Variants in TARM1 observed in about 807,000 individuals in gnomAD.
TARM1 encodes T cell-interacting, activating receptor on myeloid cells 1, also known as T-cell-interacting, activating receptor on myeloid cells protein 1.
Under a neutral mutation model 30.4 loss-of-function variants are expected in TARM1, and 24 were observed. The ratio of observed to expected loss-of-function variants is 0.79; its 90% CI spans 0.57 to 1.11. The LOEUF is 1.11. Among genes scored for constraint, TARM1 ranks in the 50% least tolerant of loss-of-function variants. TARM1 has a pLI of 0.00. For missense variants in TARM1, 323 were observed against 332.8 expected (o/e 0.97, Z 0.23); for synonymous variants, 129 against 138.9 (o/e 0.93, Z 0.50).
intron 1 of TARM1, among the ~76,000 whole-genome samples, chr19:54,080,984 A>T (rs1374585650): frequency 6.6e-6 from 1 of 152,116 alleles, no homozygotes; most frequent in East Asian, 1.9e-4. Flanking sequence ...AAAAAATAAA[A>T]TAAAATAAAA....
chr19:54,073,134 C>G (rs1254465788), intron 4 of TARM1, among the ~76,000 whole-genome samples: 1 of 151,596 alleles, frequency 6.6e-6, no homozygotes, highest in Non-Finnish European at 1.5e-5. Context: ...GAGGGCCGGG[C>G]ACGGTGGCTC....
rs76842162 is a variant in TARM1 at position 54,071,391 on chromosome 19, C to T, written c.659-1231G>A. 3.9e-3 allele frequency among the ~76,000 whole-genome samples: 593 copies of T among 152,254 alleles called. 5 individuals are homozygous for T. Among genetic ancestry groups the T allele is most frequent in the African/African-American group, 0.014 (572 of 41,544 alleles). ...CCACCTTCCCACATTGCCTTTTCTC[C>T]TCCCGCATCCTTATGTTAAGGAATA... On this transcript the variant is annotated intron_variant, in intron 4 of 4. Transcript: ENST00000432826.
chr19:54,075,779 G>A (rs781626749), intron 2 of TARM1, 104 bp downstream of exon 2: 16 of 1,337,404 alleles, frequency 1.2e-5, no homozygotes, highest in East Asian at 5.0e-5. Context: ...GCGAAAGAGT[G>A]AGACTCCGTC....
chr19:54,074,249 G>A (rs771627670), intron 3 of TARM1, 33 bp from the exon 4 acceptor site: 3 of 1,534,348 alleles, frequency 2.0e-6, no homozygotes, highest in Non-Finnish European at 2.6e-6. Context: ...AGGTCCTGGG[G>A]AGAAGTCTGG....
At chr19:54,076,189 T>C in intron 1 of TARM1, 1 of 1,507,716 alleles carries the variant, frequency 6.6e-7, no homozygotes, top group Middle Eastern at 1.7e-4. Context: ...CATTCTCATC[T>C]TCTGTTTGAA....
At chr19:54,080,496 G>GGAAGGAAGGA (rs1410718770) in intron 1 of TARM1, among the ~76,000 whole-genome samples, 7 of 107,416 alleles carry the variant, frequency 6.5e-5, no homozygotes, top group Admixed American at 1.1e-4. Context: ...GGAAGGAAGG[G>GGAAGGAAGGA]AGGAAGGAAG....
chr19:54,079,092 TA>T (rs1162488725), intron 1 of TARM1, among the ~76,000 whole-genome samples: 90,911 of 102,386 alleles, frequency 0.89, 40,368 homozygotes, highest in Middle Eastern at 0.97. Flanking sequence ...TTGTCTCTAC[TA>T]AAAAAAAAAA....
In TARM1 at chr19:54,076,326, T is replaced by TTTTCTTTC. The variant is rs759392068; in HGVS notation, c.35-416_35-409dup. On this transcript the variant is annotated intron_variant, in intron 1 of 4. Transcript: ENST00000432826. ...AGACAGAGTCTCGCTCTTTCTTTCT[T>TTTTCTTTC]TTTCTTTCTTTCTTTCTTTCTTTCA... The TTTTCTTTC allele has an allele frequency of 2.4e-3, 1,358 of 562,334 alleles. 25 individuals carry two copies. The African/African-American group carries it at 0.025, about 10-fold the overall frequency. The allele number at this position is 562,334 out of a possible 1,614,324, so 34.8% of individuals were successfully genotyped here.
rs375418750 is a variant in TARM1, at chr19:54,080,140, AAAGCAAGCAAGCAAGCAAGCAAGC to A, written c.34+1143_34+1166del. ...GGAAGGAAGGAAGGAAGGAAGGAAG[AAAGCAAGCAAGCAAGCAAGCAAGC>A]AAGCAAGCAAGCAAGCAAGCAAGCA... On this transcript the variant is annotated intron_variant, in intron 1 of 4. Coordinates refer to ENST00000432826, the MANE Select transcript of TARM1 (RefSeq NM_001135686.3). 8.7e-5 allele frequency among the ~76,000 whole-genome samples: 7 copies of A among 80,210 alleles called. 1 individual carries two copies. Among genetic ancestry groups the A allele is most frequent in the African/African-American group, 2.5e-4 (6 of 23,726 alleles). 52.6% of individuals were successfully genotyped at this position (80,210 alleles called of 152,430 possible). A position where few individuals can be genotyped will look rare whatever the true frequency, so the allele number is the denominator to read the frequency against.
rs1196516347 is a variant in TARM1, at chr19:54,074,874, G to A, written c.311C>T (p.Ser104Phe). Residue 104 changes from serine to phenylalanine, a missense_variant, in exon 3 of 5, where the codon TCC becomes TTC. Coordinates refer to ENST00000432826, the MANE Select transcript of TARM1 (RefSeq NM_001135686.3). ...EYTCEYYRKA[S>F]PHILSQHSDV... is the part of the protein sequence containing the mutation. ...ACTGTGCTGTGAAAGGATGTGGGGGGATGCTTTTCTGTAGTATTCACAGGT... is the reference window on the plus strand; with the variant it reads ...ACTGTGCTGTGAAAGGATGTGGGGGAATGCTTTTCTGTAGTATTCACAGGT... 4 of 1,551,590 alleles carry A rather than the reference G, an allele frequency of 2.6e-6. No individual in the cohort carries two copies. In the South Asian group the frequency reaches 4.8e-5, roughly 18 times the overall value.
intron 4 of TARM1, among the ~76,000 whole-genome samples, chr19:54,072,461 C>T (rs587623807): frequency 3.3e-5 from 5 of 152,146 alleles, no homozygotes; most frequent in Admixed American, 2.0e-4. Context: ...TTCGCATCCA[C>T]GGCATAGAAG....
chr19:54,074,252 A>T, intron 3 of TARM1, 36 bp from the exon 4 acceptor site: 1 of 1,530,392 alleles, frequency 6.5e-7, no homozygotes, highest in Non-Finnish European at 8.8e-7. Context: ...TCCTGGGGAG[A>T]AGTCTGGAAT....
intron 1 of TARM1, among the ~76,000 whole-genome samples, chr19:54,080,127 G>A (rs2072071548): frequency 6.1e-5 from 3 of 49,222 alleles, no homozygotes; most frequent in Admixed American, 2.0e-4. Flanking sequence ...AAGGAAGGAA[G>A]GAAGGAAGGA....
At chr19:54,080,816 T>C (rs1243943900) in intron 1 of TARM1, among the ~76,000 whole-genome samples, 2 of 151,446 alleles carry the variant, frequency 1.3e-5, no homozygotes, top group African/African-American at 2.4e-5. Flanking sequence ...CTACTAAAAA[T>C]ACAAAAATTA....
chr19:54,070,101 C>G lies in TARM1; in HGVS notation c.718G>C (p.Ala240Pro). The G allele has an allele frequency of 6.4e-7, 1 of 1,551,594 alleles. No individual in the cohort carries two copies. The highest frequency in any genetic ancestry group is 8.7e-7 in the Non-Finnish European group (1 of 1,146,988). Residue 240 changes from alanine to proline, a missense_variant, in exon 5 of 5, where the codon GCT becomes CCT. By Grantham distance (27) the Ala-to-Pro change is conservative. Coordinates refer to ENST00000432826, the MANE Select transcript of TARM1 (RefSeq NM_001135686.3). The part of the protein sequence containing the change: ...SLGNFVRLGL[A>P]AVIVVIMGAF... The stretch of plus-strand genomic sequence containing the variant: ...CCCATGATAACCACAATTACGGCAG[C>G]CAGACCCAGTCGTACGAAGTTACCC...
At chr19:54,080,413 G>A (rs1196531586) in intron 1 of TARM1, among the ~76,000 whole-genome samples, 93 of 135,420 alleles carry the variant, frequency 6.9e-4, no homozygotes, top group African/African-American at 2.5e-3. Flanking sequence ...AGCAGAGATC[G>A]CACCACTGCA....
chr19:54,076,106 C>G (rs2071944128), intron 1 of TARM1, 188 bp from the exon 2 acceptor site: 1 of 1,468,158 alleles, frequency 6.8e-7, no homozygotes, highest in Non-Finnish European at 9.0e-7. Flanking sequence ...TCCATCCTTT[C>G]CCAGAGATTC....
intron 2 of TARM1, among the ~76,000 whole-genome samples, chr19:54,075,671 T>C (rs964586833): frequency 6.6e-6 from 1 of 151,710 alleles, no homozygotes; most frequent in African/African-American, 2.4e-5. Context: ...CAAGCACCCG[T>C]AGTCCCAGCT....
Position 54,073,979 on chromosome 19 carries a change from T to C in TARM1, c.599A>G (p.Gln200Arg). 1 of 1,551,692 alleles carries C rather than the reference T, an allele frequency of 6.4e-7. No individual in the cohort carries two copies. The highest frequency in any genetic ancestry group is 8.7e-7 in the Non-Finnish European group (1 of 1,146,980). Reference sequence around the variant, plus strand: ...TGAGGCCCAGAAGGGAGACTTTGTCTGGTAGTACATGCAGCTGTAGTTCCC... The same window carrying C: ...TGAGGCCCAGAAGGGAGACTTTGTCCGGTAGTACATGCAGCTGTAGTTCCC... ...DAGNYSCMYY[Q>R]TKSPFWASEP... Residue 200 changes from glutamine to arginine, a missense_variant, in exon 4 of 5, where the codon CAG becomes CGG. Transcript: ENST00000432826.
Sources: allele counts gnomAD v4.1 joint callset (sites outside exome capture counted in the v4.1 genomes callset), GRCh38; gene constraint gnomAD v4.1.1; transcripts MANE v1.5; gene names NCBI Gene and HGNC (gene_info 2026-07-23, HGNC 2026-07-21).